The following RBFOX1 variants were observed in gnomAD, a reference collection of about 807,000 sequenced individuals.
RBFOX1 encodes RNA binding fox-1 homolog 1.
In RBFOX1, 8 loss-of-function variants were observed where a neutral mutation model predicts 57.7. That is an observed-to-expected ratio of 0.14 (90% confidence interval 0.08 to 0.25). The LOEUF is 0.25. Ranked by LOEUF, RBFOX1 falls within the 10% of genes least tolerant of loss-of-function variation. The probability of loss-of-function intolerance (pLI) is 1.00; values close to 1 mark genes in which losing one functional copy is unlikely to be tolerated. For missense variants in RBFOX1, 611 were observed against 548.5 expected, an observed-to-expected ratio of 1.11 and a Z score of -1.14; for synonymous variants, 326 against 222.4, an observed-to-expected ratio of 1.47 and a Z score of -4.15.
chr16:6,663,590 A>T (rs562446763), intron 3 of RBFOX1, among the ~76,000 whole-genome samples: 2 of 152,214 alleles, frequency 1.3e-5, no homozygotes, highest in Non-Finnish European at 2.9e-5. Context: ...GAAGATACTT[A>T]AGGCACATAA....
At chr16:5,605,657 C>T (rs1361203495) in intron 3 of RBFOX1, among the ~76,000 whole-genome samples, 1 of 151,822 alleles carries the variant, frequency 6.6e-6, no homozygotes, top group African/African-American at 2.4e-5. Flanking sequence ...GTAAGTCTGC[C>T]TTGAGTCTAG....
rs369849424 is a variant in RBFOX1 at position 6,623,677 on chromosome 16, G to C, written c.-63-30926G>C. ...TTCTCATCGTTCAGTTCTCACCTATGAGTGAGAACATGCGGTGTTTGGTTT... is the reference window on the plus strand; with the variant it reads ...TTCTCATCGTTCAGTTCTCACCTATCAGTGAGAACATGCGGTGTTTGGTTT... On this transcript the variant is annotated intron_variant, in intron 2 of 15. Coordinates refer to ENST00000550418, the MANE Select transcript of RBFOX1 (RefSeq NM_018723.4). Among the ~76,000 whole-genome samples, 7 of 151,830 alleles carry C rather than the reference G, an allele frequency of 4.6e-5. No homozygotes were observed. The East Asian group carries it at 1.2e-3, about 25-fold the overall frequency.
At chr16:7,063,077 G>T (rs1471739794) in intron 4 of RBFOX1, among the ~76,000 whole-genome samples, 1 of 151,868 alleles carries the variant, frequency 6.6e-6, no homozygotes, top group Non-Finnish European at 1.5e-5. Context: ...ACCCTGCAAT[G>T]CCTCCCTGAT....
chr16:7,006,048 A>G (rs903756552), intron 3 of RBFOX1, among the ~76,000 whole-genome samples: 1 of 152,200 alleles, frequency 6.6e-6, no homozygotes, highest in Admixed American at 6.5e-5. Flanking sequence ...CTCATGGTAT[A>G]TGTTCTCCTT....
chr16:6,597,768 G>C (rs997111484), intron 2 of RBFOX1, among the ~76,000 whole-genome samples: 1 of 152,180 alleles, frequency 6.6e-6, no homozygotes, highest in Non-Finnish European at 1.5e-5. Flanking sequence ...TTTTCTTCCA[G>C]TTTAAAAGGA....
chr16:6,643,418 GTTAGT>G (rs2098508340), intron 2 of RBFOX1, among the ~76,000 whole-genome samples: 2 of 70,898 alleles, frequency 2.8e-5, no homozygotes, highest in South Asian at 1.1e-3. Context: ...TTGTTTGTTT[GTTAGT>G]TTTGTTTTGT....
chr16:5,895,339 C>T (rs751305724), intron 4 of RBFOX1, among the ~76,000 whole-genome samples: 1 of 152,136 alleles, frequency 6.6e-6, no homozygotes, highest in East Asian at 1.9e-4. Context: ...ACTCACATGC[C>T]CATTACATTA....
intron 4 of RBFOX1, among the ~76,000 whole-genome samples, chr16:7,246,356 A>G (rs1318773569): frequency 2.0e-5 from 3 of 152,166 alleles, no homozygotes; most frequent in Non-Finnish European, 4.4e-5. Context: ...CATCCCCCAC[A>G]GCAAAGCAGC....
chr16:6,239,885 A>T (rs2097531139), intron 1 of RBFOX1, among the ~76,000 whole-genome samples: 2 of 152,132 alleles, frequency 1.3e-5, no homozygotes, highest in Admixed American at 1.3e-4. Context: ...AGTGTCTGAT[A>T]TAGTTTGGGT....
At chr16:6,889,681 C>T (rs1270075410) in intron 3 of RBFOX1, among the ~76,000 whole-genome samples, 1 of 152,154 alleles carries the variant, frequency 6.6e-6, no homozygotes, top group Non-Finnish European at 1.5e-5. Context: ...AGTCCAGCAC[C>T]TAATGGTTGT....
At chr16:6,234,994 G>C (rs2097494438) in intron 1 of RBFOX1, among the ~76,000 whole-genome samples, 1 of 152,106 alleles carries the variant, frequency 6.6e-6, no homozygotes, top group Admixed American at 6.6e-5. Context: ...AGATTCCTTT[G>C]AGCCTGTAAT....
intron 4 of RBFOX1, among the ~76,000 whole-genome samples, chr16:7,329,654 A>G (rs2096658451): frequency 6.6e-6 from 1 of 152,240 alleles, no homozygotes; most frequent in Admixed American, 6.5e-5. Flanking sequence ...CATACAGGAC[A>G]ATAATATATA....
At chr16:6,138,370 C>T (rs924959189) in intron 1 of RBFOX1, among the ~76,000 whole-genome samples, 4 of 152,164 alleles carry the variant, frequency 2.6e-5, no homozygotes, top group South Asian at 2.1e-4. Context: ...TCTTTAGAGG[C>T]TCATAAGGCT....
intron 3 of RBFOX1, among the ~76,000 whole-genome samples, chr16:6,843,117 A>G (rs112713330): frequency 6.6e-6 from 1 of 152,016 alleles, no homozygotes; most frequent in African/African-American, 2.4e-5. Flanking sequence ...GTTGTTTCTT[A>G]TTGTTGTTGT....
intron 7 of RBFOX1, among the ~76,000 whole-genome samples, chr16:7,593,000 A>T (rs1156325974): frequency 4.1e-5 from 6 of 145,302 alleles, no homozygotes; most frequent in Non-Finnish European, 9.0e-5. Context: ...TTTTTGGTAG[A>T]GGTGAGGTTT....
intron 3 of RBFOX1, among the ~76,000 whole-genome samples, chr16:6,855,037 AG>A (rs539345795): frequency 1.9e-4 from 29 of 151,748 alleles, no homozygotes; most frequent in Middle Eastern, 3.2e-3. Flanking sequence ...CACTGTTGGG[AG>A]GTGGGTGGGA....
At chr16:6,889,536 C>T (rs1485981299) in intron 3 of RBFOX1, among the ~76,000 whole-genome samples, 1 of 152,266 alleles carries the variant, frequency 6.6e-6, no homozygotes, top group Middle Eastern at 3.4e-3. Flanking sequence ...TGCAGTGTTA[C>T]TCACCCTGTC....
chr16:7,159,990 T>G (rs758720235), intron 4 of RBFOX1, among the ~76,000 whole-genome samples: 2 of 152,204 alleles, frequency 1.3e-5, no homozygotes, highest in African/African-American at 4.8e-5. Context: ...TCATACTACT[T>G]AATTGTTTTG....
chr16:6,101,470 A>T (rs1310735136), intron 1 of RBFOX1, among the ~76,000 whole-genome samples: 2 of 151,934 alleles, frequency 1.3e-5, no homozygotes, highest in Non-Finnish European at 2.9e-5. Context: ...TACTTTTTAA[A>T]TTATTATTAT....
Sources: gnomAD v4.1 joint callset for allele counts (sites outside exome capture counted in the v4.1 genomes callset) on GRCh38, gnomAD v4.1.1 for gene constraint, MANE v1.5 for transcripts, NCBI Gene and HGNC (gene_info 2026-07-23, HGNC 2026-07-21) for gene names.